CACNA1E: variants seen among roughly 807,000 people sequenced by gnomAD.
The protein encoded by CACNA1E is voltage-dependent R-type calcium channel subunit alpha-1E.
CACNA1E carries 40 observed loss-of-function variants against 259.2 expected under a neutral mutation model. That is an observed-to-expected ratio of 0.15 (90% CI 0.12 to 0.20). CACNA1E has a LOEUF of 0.20. Among genes scored for constraint, CACNA1E ranks in the 10% least tolerant of loss-of-function variants. CACNA1E has a pLI of 1.00. For synonymous variants in CACNA1E, 1,104 were observed against 1,138.5 expected (o/e 0.97, Z 0.61); for missense variants, 1,874 against 3,040.1 (o/e 0.62, Z 9.02).
At chr1:181,541,329 C>T (rs1438457653) in intron 3 of CACNA1E, among the ~76,000 whole-genome samples, 4 of 151,076 alleles carry the variant, frequency 2.6e-5, no homozygotes, top group Non-Finnish European at 5.9e-5. Flanking sequence ...ATATGTTTAA[C>T]ATAATAACAG....
At chr1:181,561,279 A>AT (rs1045283756) in intron 3 of CACNA1E, among the ~76,000 whole-genome samples, 11 of 152,248 alleles carry the variant, frequency 7.2e-5, no homozygotes, top group Non-Finnish European at 1.3e-4. Context: ...TAATACTGAC[A>AT]TTTTTTTGAA....
At chr1:181,570,381 A>G (rs1650291255) in intron 3 of CACNA1E, among the ~76,000 whole-genome samples, 1 of 152,188 alleles carries the variant, frequency 6.6e-6, no homozygotes, top group Non-Finnish European at 1.5e-5. Flanking sequence ...TGATGTTTAT[A>G]ATCATACCAA....
intron 3 of CACNA1E, among the ~76,000 whole-genome samples, chr1:181,553,047 G>A (rs1305607170): frequency 2.0e-5 from 3 of 152,148 alleles, no homozygotes; most frequent in Middle Eastern, 3.2e-3. Context: ...AATGTCAATG[G>A]TATAGCATTG....
chr1:181,708,239 G>C (rs1187375500), intron 7 of CACNA1E, among the ~76,000 whole-genome samples: 1 of 152,154 alleles, frequency 6.6e-6, no homozygotes, highest in Non-Finnish European at 1.5e-5. Context: ...GACTTTGAAC[G>C]TCACGCTTGA....
intron 3 of CACNA1E, among the ~76,000 whole-genome samples, chr1:181,526,724 T>C (rs955869252): frequency 1.3e-5 from 2 of 152,214 alleles, no homozygotes; most frequent in African/African-American, 4.8e-5. Context: ...AGTTCTGTAT[T>C]TGAAGTCTGC....
chr1:181,783,469 C>A lies in CACNA1E; in HGVS notation c.5365-210C>A, dbSNP rs573893031. Among the ~76,000 whole-genome samples the A allele has an allele frequency of 4.4e-4, 67 of 151,878 alleles. No individual in the cohort carries two copies. In the South Asian group the frequency reaches 0.014, roughly 32 times the overall value. On this transcript the variant is annotated intron_variant, in intron 39 of 47. Coordinates refer to ENST00000367573, the MANE Select transcript of CACNA1E (RefSeq NM_001205293.3). ...CATCATTCCCTTGGTGGAGAAAAAA[C>A]AAACAAACTACAACAACAACAACAA...
chr1:181,668,339 CT>C (rs1444717916), intron 7 of CACNA1E, among the ~76,000 whole-genome samples: 2 of 152,128 alleles, frequency 1.3e-5, no homozygotes, highest in African/African-American at 4.8e-5. Context: ...CTTTTTATTT[CT>C]GAATAGTATT....
intron 2 of CACNA1E, among the ~76,000 whole-genome samples, chr1:181,468,686 T>C (rs1317225750): frequency 6.6e-6 from 1 of 152,032 alleles, no homozygotes; most frequent in Non-Finnish European, 1.5e-5. Context: ...GAGAGAGAGA[T>C]CACTTTTGTC....
intron 7 of CACNA1E, among the ~76,000 whole-genome samples, chr1:181,673,890 G>GCATTTGTCC (rs1292421808): frequency 6.6e-6 from 1 of 152,184 alleles, no homozygotes; most frequent in Middle Eastern, 3.4e-3. Context: ...CTCCCAGCGT[G>GCATTTGTCC]CATTTGTCCT....
At chr1:181,601,190 T>G (rs1406390987) in intron 6 of CACNA1E, among the ~76,000 whole-genome samples, 1 of 152,146 alleles carries the variant, frequency 6.6e-6, no homozygotes, top group Non-Finnish European at 1.5e-5. Flanking sequence ...TCAGTCTGAG[T>G]CTGTTCTGTT....
intron 1 of CACNA1E, among the ~76,000 whole-genome samples, chr1:181,350,287 G>A (rs939120652): frequency 2.6e-5 from 4 of 152,198 alleles, no homozygotes; most frequent in South Asian, 4.1e-4. Flanking sequence ...GAGCCTTCGC[G>A]GAGGATGTGT....
chr1:181,377,674 G>T (rs1655193209), intron 1 of CACNA1E, among the ~76,000 whole-genome samples: 2 of 152,168 alleles, frequency 1.3e-5, no homozygotes, highest in Non-Finnish European at 2.9e-5. Flanking sequence ...TGTTTACTGT[G>T]TATCAGGTAC....
intron 1 of CACNA1E, among the ~76,000 whole-genome samples, chr1:181,399,618 G>GAA (rs1656944939): frequency 6.6e-6 from 1 of 152,226 alleles, no homozygotes; most frequent in Non-Finnish European, 1.5e-5. Flanking sequence ...ACTGTGGAGG[G>GAA]AATGTGATCG....
intron 7 of CACNA1E, among the ~76,000 whole-genome samples, chr1:181,691,046 A>G (rs1013448037): frequency 6.6e-6 from 1 of 151,918 alleles, no homozygotes; most frequent in African/African-American, 2.4e-5. Context: ...AAAATCAAAT[A>G]TTATCTTTTC....
chr1:181,760,452 T>G (rs1489840499), intron 32 of CACNA1E, among the ~76,000 whole-genome samples: 1 of 152,210 alleles, frequency 6.6e-6, no homozygotes, highest in Non-Finnish European at 1.5e-5. Context: ...CCATTATTGT[T>G]GTTGTTATTT....
chr1:181,629,907 G>T (rs1656550026), intron 6 of CACNA1E, among the ~76,000 whole-genome samples: 1 of 152,148 alleles, frequency 6.6e-6, no homozygotes, highest in Non-Finnish European at 1.5e-5. Flanking sequence ...GTCTGTGTGG[G>T]TCTACTTTAA....
At chr1:181,423,889 T>C (rs1658955833) in intron 2 of CACNA1E, among the ~76,000 whole-genome samples, 1 of 152,208 alleles carries the variant, frequency 6.6e-6, no homozygotes, top group Non-Finnish European at 1.5e-5. Context: ...ATTTTAATTT[T>C]ATTTAAATGT....
At position 181,776,322 on chromosome 1, in the gene CACNA1E, T is replaced by C; in HGVS notation, c.5267+94T>C. ...CTGGAATTGGAGCCACCCAAATGCC[T>C]GCCTGTTACAGAAGGAAAGGAGATT... is the stretch of plus-strand genomic sequence containing the variant. On this transcript the variant is annotated intron_variant, in intron 38 of 47. Coordinates refer to ENST00000367573, the MANE Select transcript of CACNA1E (RefSeq NM_001205293.3). The surrounding 1 kb of genome is among the most constrained non-coding windows in gnomAD (Gnocchi z 4.4). The C allele has an allele frequency of 3.1e-6, 4 of 1,271,302 alleles. No individual in the cohort carries two copies. Among genetic ancestry groups the C allele is most frequent in the Non-Finnish European group, 4.6e-6 (4 of 874,774 alleles). 78.8% of individuals were successfully genotyped at this position (1,271,302 alleles called of 1,614,324 possible).
chr1:181,527,580 C>T (rs1410808949), intron 3 of CACNA1E, among the ~76,000 whole-genome samples: 1 of 152,216 alleles, frequency 6.6e-6, no homozygotes, highest in Non-Finnish European at 1.5e-5. Context: ...CTTTAAGGCA[C>T]AGTATCAGCT....
Sources: allele counts gnomAD v4.1 joint callset (sites outside exome capture counted in the v4.1 genomes callset), GRCh38; gene constraint gnomAD v4.1.1; non-coding constraint Gnocchi (gnomAD v3.1); transcripts MANE v1.5; gene names NCBI Gene and HGNC (gene_info 2026-07-23, HGNC 2026-07-21).